Variants in DLG5 observed in about 807,000 individuals in gnomAD.
The protein encoded by DLG5 is disks large homolog 5.
In DLG5, 48 loss-of-function variants were observed where a neutral mutation model predicts 189.8. The ratio of observed to expected loss-of-function variants is 0.25; its 90% CI spans 0.20 to 0.32. The LOEUF is 0.32. DLG5 is among the 10% of genes least tolerant of loss of function. The pLI is 1.00. For synonymous variants in DLG5, 1,016 were observed against 1,054.1 expected (o/e 0.96, Z 0.70); for missense variants, 2,160 against 2,544.7 (o/e 0.85, Z 3.25).
chr10:77,916,793 G>A lies in DLG5; in HGVS notation c.304+9424C>T, dbSNP rs947634111. 5.3e-5 allele frequency among the ~76,000 whole-genome samples: 8 copies of A among 151,600 alleles called. No individual in the cohort carries two copies. The East Asian group carries it at 5.8e-4, about 11-fold the overall frequency. The stretch of plus-strand genomic sequence containing the variant: ...CCAAAAGAAGAGAAAGCAGGGACTC[G>A]AAGAGATATTTGTACACCCATGGTG... On this transcript the variant is annotated intron_variant, in intron 1 of 31. Transcript: ENST00000372391.
chr10:77,892,566 T>C (rs1421706583), intron 1 of DLG5, among the ~76,000 whole-genome samples: 1 of 152,172 alleles, frequency 6.6e-6, no homozygotes, highest in African/African-American at 2.4e-5. Flanking sequence ...CTGAGGCCTC[T>C]GTGTTCCCAG....
chr10:77,824,391 AG>A lies in DLG5; in HGVS notation c.2374del (p.Leu792SerfsTer2). 1 of 1,612,050 alleles carries A rather than the reference AG, an allele frequency of 6.2e-7. No individual in the cohort carries two copies. The highest frequency in any genetic ancestry group is 8.5e-7 in the Non-Finnish European group (1 of 1,178,274). ...GCCAGGTCCAGCCCTTACCTTCAGG[AG>A]GGACAGGGTCAGGGAGTCCTGGCAG... ...RSCQDSLTLS[L>X]LKVFPQSSSW... is the part of the protein sequence containing the mutation. On this transcript the variant is annotated frameshift_variant, in exon 14 of 32. Coordinates refer to ENST00000372391, the MANE Select transcript of DLG5 (RefSeq NM_004747.4). LOFTEE classifies it high-confidence loss of function.
At chr10:77,935,652 A>C in the DLG5 span, among the ~76,000 whole-genome samples, 1 of 152,334 alleles carries the variant, frequency 6.6e-6, no homozygotes, top group African/African-American at 2.4e-5. Context: ...TGTGCATGTT[A>C]GCGCATGCGT....
intron 6 of DLG5, 138 bp from the exon 7 acceptor site, chr10:77,842,331 CCCAGGAGAG>C: frequency 9.3e-7 from 1 of 1,071,094 alleles, no homozygotes; most frequent in Non-Finnish European, 1.3e-6. Flanking sequence ...TCTCTCCACC[CCCAGGAGAG>C]AAAAGTCATG....
rs776725573 is a variant in DLG5, at chr10:77,841,863, A to G, written c.1437+18T>C. On this transcript the variant is annotated intron_variant, in intron 7 of 31. Transcript: ENST00000372391. ...CTGTAGGAGAGGCTGAAAGCCAGCC[A>G]CCGGCCCACCCACCTACCTGCCGCA... is the stretch of plus-strand genomic sequence containing the variant. 6.9e-6 allele frequency: 11 copies of G among 1,597,994 alleles called. No individual in the cohort carries two copies. The highest frequency in any genetic ancestry group is 9.4e-6 in the Non-Finnish European group (11 of 1,171,130).
In DLG5 at chr10:77,828,908, G is replaced by A. The variant is rs1453657473; in HGVS notation, c.2263C>T (p.Leu755Phe). The part of the protein sequence containing the change: ...PGSPAAKEGS[L>F]AVGDRIVAIN... ...GCAACGATCCTGTCTCCCACAGCAA[G>A]GGACCCTTCTTTAGCGGCAGGGCTT... Residue 755 changes from leucine to phenylalanine, a missense_variant, in exon 13 of 32, where the codon CTT (leucine) becomes TTT (phenylalanine). By Grantham distance (22) the Leu-to-Phe change is conservative. This residue lies in a region of DLG5 where 107 missense variants were observed against 214.5 expected (regional missense o/e 0.50). Transcript: ENST00000372391. 1 of 1,614,054 alleles carries A rather than the reference G, an allele frequency of 6.2e-7. No individual in the cohort carries two copies. The highest frequency in any genetic ancestry group is 1.7e-5 in the Admixed American group (1 of 59,992).
At chr10:77,937,346 A>G in the DLG5 span, among the ~76,000 whole-genome samples, 2 of 152,056 alleles carry the variant, frequency 1.3e-5, no homozygotes, top group Non-Finnish European at 2.9e-5. Context: ...CTGATGTGCT[A>G]TGCTTTGAAT....
intron 1 of DLG5, among the ~76,000 whole-genome samples, chr10:77,909,443 G>A (rs928355199): frequency 3.9e-5 from 6 of 152,010 alleles, no homozygotes; most frequent in Non-Finnish European, 7.4e-5. Context: ...ACCATGGCAC[G>A]TGTATACCTA....
intron 1 of DLG5, among the ~76,000 whole-genome samples, chr10:77,875,420 G>T (rs1845052874): frequency 6.6e-6 from 1 of 152,096 alleles, no homozygotes; most frequent in Non-Finnish European, 1.5e-5. Context: ...CCTGGGAATG[G>T]GCTCACCTCC....
At chr10:77,810,366 T>G (rs924266425) in intron 23 of DLG5, among the ~76,000 whole-genome samples, 2 of 152,206 alleles carry the variant, frequency 1.3e-5, no homozygotes, top group Admixed American at 6.5e-5. Context: ...GTATAGAGAA[T>G]GCAGAGCTGG....
chr10:77,857,408 G>A (rs755684138), intron 2 of DLG5, among the ~76,000 whole-genome samples: 6 of 152,248 alleles, frequency 3.9e-5, no homozygotes, highest in Admixed American at 6.5e-5. Flanking sequence ...TCCTCGACCA[G>A]GGCTGGACAG....
chr10:77,805,772 C>T lies in DLG5; in HGVS notation c.5057G>A (p.Arg1686Gln), dbSNP rs1161241786. Residue 1686 changes from arginine to glutamine, a missense_variant, in exon 27 of 32, where the codon CGG becomes CAG. Physicochemically the swap from Arg to Gln is conservative, Grantham distance 43 (BLOSUM62 1). Transcript: ENST00000372391. ...ATKTLSAAARRSFFRRKHKHK... is the reference protein window; with the variant it reads ...ATKTLSAAARQSFFRRKHKHK... The stretch of plus-strand genomic sequence containing the variant: ...CTTGTGTTTCCTCCGAAAAAAGGAC[C>T]GGCGTGCAGCCGCTGACAGCGTCTT... The T allele has an allele frequency of 4.3e-6, 7 of 1,614,022 alleles. No individual in the cohort carries two copies. Among genetic ancestry groups the T allele is most frequent in the East Asian group, 2.2e-5 (1 of 44,882 alleles).
At chr10:77,811,587 G>A (rs552825973) in intron 22 of DLG5, among the ~76,000 whole-genome samples, 1 of 152,220 alleles carries the variant, frequency 6.6e-6, no homozygotes, top group East Asian at 1.9e-4. Context: ...CCACAGCTCA[G>A]GGGCAGATAC....
At chr10:77,801,591 T>TA (rs1385487167) in intron 27 of DLG5, among the ~76,000 whole-genome samples, 3 of 152,198 alleles carry the variant, frequency 2.0e-5, no homozygotes, top group Non-Finnish European at 4.4e-5. Flanking sequence ...TAAAAAGTGC[T>TA]AAGCACCTTC....
intron 1 of DLG5, among the ~76,000 whole-genome samples, chr10:77,919,425 G>C (rs933316869): frequency 1.3e-5 from 2 of 151,220 alleles, no homozygotes; most frequent in African/African-American, 4.9e-5. Flanking sequence ...CCTGGGAAGT[G>C]CTCAAAACCC....
intron 1 of DLG5, among the ~76,000 whole-genome samples, chr10:77,901,825 GCT>G (rs1238623647): frequency 6.6e-6 from 1 of 152,192 alleles, no homozygotes; most frequent in Non-Finnish European, 1.5e-5. Context: ...GGAAAGACGA[GCT>G]CTCTGTCCTG....
intron 6 of DLG5, 110 bp downstream of exon 6, chr10:77,843,337 C>G: frequency 7.3e-7 from 1 of 1,375,424 alleles, no homozygotes; most frequent in Middle Eastern, 2.7e-4. Context: ...TGGTCAGAAG[C>G]ATTTTTTGAT....
chr10:77,806,706 T>C (rs1049538675), intron 26 of DLG5, 52 bp downstream of exon 26: 1 of 1,472,030 alleles, frequency 6.8e-7, no homozygotes, highest in Non-Finnish European at 9.4e-7. Flanking sequence ...CCATGGCTGG[T>C]GGCCCTCGGC....
the DLG5 span, among the ~76,000 whole-genome samples, chr10:77,936,484 C>CTCT: frequency 6.6e-6 from 1 of 150,840 alleles, no homozygotes; most frequent in Non-Finnish European, 1.5e-5. Flanking sequence ...TGAGAGAGGC[C>CTCT]CAGACCTAGT....
Sources: allele counts gnomAD v4.1 joint callset (sites outside exome capture counted in the v4.1 genomes callset), GRCh38; gene constraint gnomAD v4.1.1; regional missense constraint gnomAD v4.1.1; transcripts MANE v1.5; gene names NCBI Gene and HGNC (gene_info 2026-07-23, HGNC 2026-07-21).